Variants in COL23A1 observed in about 807,000 individuals in gnomAD.
The protein encoded by COL23A1 is collagen alpha-1(XXIII) chain.
In COL23A1, 97 loss-of-function variants were observed where a neutral mutation model predicts 99.3. That is an observed-to-expected ratio of 0.98 (90% CI 0.83 to 1.16). COL23A1 has a LOEUF of 1.16. COL23A1 is among the 50% of genes most tolerant of loss of function. COL23A1 has a pLI of 0.00. For missense variants in COL23A1, 762 were observed against 757.4 expected, an observed-to-expected ratio of 1.01 and a Z score of -0.07; for synonymous variants, 320 against 308.2, an observed-to-expected ratio of 1.04 and a Z score of -0.40.
chr5:178,446,287 T>A (rs1367722081), intron 2 of COL23A1, among the ~76,000 whole-genome samples: 2 of 151,744 alleles, frequency 1.3e-5, no homozygotes. Context: ...AAAAAGATGT[T>A]CACACAAGCA....
At chr5:178,356,870 CT>C (rs1238552172) in intron 2 of COL23A1, among the ~76,000 whole-genome samples, 1 of 152,150 alleles carries the variant, frequency 6.6e-6, no homozygotes, top group East Asian at 1.9e-4. Context: ...CTGCAACCCC[CT>C]GGGGTCTGCG....
chr5:178,311,439 T>C (rs879417044), intron 2 of COL23A1, among the ~76,000 whole-genome samples: 2 of 152,056 alleles, frequency 1.3e-5, no homozygotes, highest in Non-Finnish European at 2.9e-5. Flanking sequence ...CAGGGGCCTC[T>C]GGGCCATCAC....
chr5:178,428,130 T>C lies in COL23A1; in HGVS notation c.362-121211A>G, dbSNP rs1431386366. Among the ~76,000 whole-genome samples, 1 of 152,192 alleles carries C rather than the reference T, an allele frequency of 6.6e-6. No individual in the cohort carries two copies. The highest frequency in any genetic ancestry group is 6.5e-5 in the Admixed American group (1 of 15,282). ...ATGAGGGTATCATCAAAAGCCCACA[T>C]CTATGCTCACTGGCTCAGATATCAC... On this transcript the variant is annotated intron_variant, in intron 2 of 28. Coordinates refer to ENST00000390654, the MANE Select transcript of COL23A1 (RefSeq NM_173465.4). The surrounding 1 kb of genome is among the most constrained non-coding windows in gnomAD (Gnocchi z 5.0).
intron 25 of COL23A1, among the ~76,000 whole-genome samples, chr5:178,245,670 A>G (rs1764653130): frequency 6.6e-6 from 1 of 151,998 alleles, no homozygotes; most frequent in African/African-American, 2.4e-5. Flanking sequence ...TCATCCATCC[A>G]TCGATTCATC....
intron 2 of COL23A1, among the ~76,000 whole-genome samples, chr5:178,501,089 C>T (rs995779662): frequency 1.3e-5 from 2 of 152,034 alleles, no homozygotes; most frequent in Admixed American, 1.3e-4. Context: ...AAATAAAAGC[C>T]CAGGGCATTA....
At chr5:178,370,556 G>A (rs1389186445) in intron 2 of COL23A1, among the ~76,000 whole-genome samples, 1 of 152,068 alleles carries the variant, frequency 6.6e-6, no homozygotes. Context: ...ATTAGACAGG[G>A]GGAAGAAATT....
At chr5:178,357,912 G>GTA (rs757423939) in intron 2 of COL23A1, among the ~76,000 whole-genome samples, 3 of 64,076 alleles carry the variant, frequency 4.7e-5, no homozygotes, top group East Asian at 5.4e-4. Context: ...TCTAATGTGT[G>GTA]TGTATGTGTA....
chr5:178,255,869 G>C lies in COL23A1; in HGVS notation c.882+484C>G, dbSNP rs1393547322. The C allele has an allele frequency of 2.5e-6, 1 of 404,816 alleles. No individual in the cohort carries two copies. Among genetic ancestry groups the C allele is most frequent in the Non-Finnish European group, 5.1e-6 (1 of 197,544 alleles). The allele number at this position is 404,816 out of a possible 1,614,324, so 25.1% of individuals were successfully genotyped here. A position where few individuals can be genotyped will look rare whatever the true frequency, so the allele number is the denominator to read the frequency against. ...GGGAGCATGAGGAGACAGAGCCGAG[G>C]CCAGGATCCCGGACGTCACCCTAAA... On this transcript the variant is annotated intron_variant, in intron 15 of 28. Transcript: ENST00000390654. The surrounding 1 kb of genome is among the most constrained non-coding windows in gnomAD (Gnocchi z 4.2).
At position 178,242,349 on chromosome 5, in the gene COL23A1, C is replaced by T; in HGVS notation, c.1486G>A (p.Gly496Arg). 6.2e-7 allele frequency: 1 copy of T among 1,614,040 alleles called. No individual in the cohort carries two copies. Among genetic ancestry groups the T allele is most frequent in the Non-Finnish European group, 8.5e-7 (1 of 1,179,982 alleles). Residue 496 changes from glycine to arginine, a missense_variant, in exon 26 of 29, where the codon GGA (glycine) becomes AGA (arginine). By Grantham distance (125) the Gly-to-Arg change is moderately radical. Transcript: ENST00000390654. ...RGEKGDRSER[G>R]EKGERGVPGR... ...CGTCCAGCTGCCCTCACCTTCTCTC[C>T]ACGCTCGCTCCGATCACCTTTCTCT... is the stretch of plus-strand genomic sequence containing the variant.
At chr5:178,249,593 C>T (rs1344587453) in intron 18 of COL23A1, among the ~76,000 whole-genome samples, 1 of 152,072 alleles carries the variant, frequency 6.6e-6, no homozygotes, top group Non-Finnish European at 1.5e-5. Context: ...ACATTATGTC[C>T]AGGATGAGAC....
intron 5 of COL23A1, among the ~76,000 whole-genome samples, chr5:178,270,959 T>C (rs915883175): frequency 6.6e-6 from 1 of 152,256 alleles, no homozygotes; most frequent in Non-Finnish European, 1.5e-5. Context: ...CTGTCATTTG[T>C]AACTGGCAGA....
chr5:178,380,474 G>A (rs1561921132), intron 2 of COL23A1, among the ~76,000 whole-genome samples: 1 of 151,668 alleles, frequency 6.6e-6, no homozygotes, highest in Non-Finnish European at 1.5e-5. Context: ...TTCTTTTTCT[G>A]CTGAAGGGGA....
intron 3 of COL23A1, among the ~76,000 whole-genome samples, chr5:178,294,101 A>T (rs1285507732): frequency 6.6e-6 from 1 of 152,056 alleles, no homozygotes. Flanking sequence ...CCAGTCTCCC[A>T]TTCTGGGGCC....
chr5:178,452,086 A>G (rs148595450), intron 2 of COL23A1, among the ~76,000 whole-genome samples: 1 of 152,346 alleles, frequency 6.6e-6, no homozygotes, highest in Non-Finnish European at 1.5e-5. Flanking sequence ...ACAAGGGAGG[A>G]TAAGTCCTAT....
chr5:178,245,073 CATCT>C (rs1003733523), intron 25 of COL23A1, among the ~76,000 whole-genome samples: 1 of 133,440 alleles, frequency 7.5e-6, no homozygotes, highest in South Asian at 2.4e-4. Context: ...ATCCACTCAT[CATCT>C]ATCATCCATC....
chr5:178,318,206 G>C (rs1462534535), intron 2 of COL23A1, among the ~76,000 whole-genome samples: 1 of 152,244 alleles, frequency 6.6e-6, no homozygotes, highest in Non-Finnish European at 1.5e-5. Context: ...GAATAGGCTA[G>C]GCACCTGTGC....
chr5:178,491,809 A>AT (rs1339024828), intron 2 of COL23A1, among the ~76,000 whole-genome samples: 17 of 152,144 alleles, frequency 1.1e-4, no homozygotes, highest in Admixed American at 1.1e-3. Context: ...ATCTTGGCTC[A>AT]TAGCAACCTC....
At chr5:178,476,540 A>G (rs1757039154) in intron 2 of COL23A1, among the ~76,000 whole-genome samples, 1 of 152,152 alleles carries the variant, frequency 6.6e-6, no homozygotes, top group Non-Finnish European at 1.5e-5. Flanking sequence ...CATCATATCC[A>G]CGGACCTGCC....
chr5:178,373,923 G>T (rs910385584), intron 2 of COL23A1, among the ~76,000 whole-genome samples: 1 of 152,162 alleles, frequency 6.6e-6, no homozygotes, highest in East Asian at 1.9e-4. Context: ...GCAGGGCCTC[G>T]CCTGAGGAGA....
Sources: gnomAD v4.1 joint callset for allele counts (sites outside exome capture counted in the v4.1 genomes callset) on GRCh38, gnomAD v4.1.1 for gene constraint, Gnocchi (gnomAD v3.1) non-coding constraint, MANE v1.5 for transcripts, NCBI Gene and HGNC (gene_info 2026-07-23, HGNC 2026-07-21) for gene names.